PCDHA4: variants seen among roughly 807,000 people sequenced by gnomAD.
PCDHA4 encodes protocadherin alpha-4.
A neutral mutation model predicts 61.4 loss-of-function variants in PCDHA4; 49 were observed. That is an observed-to-expected ratio of 0.80 (90% CI 0.63 to 1.01). The LOEUF is 1.01. PCDHA4 is among the 50% of genes least tolerant of loss of function. The probability of loss-of-function intolerance (pLI) is 0.00; values close to 1 mark genes in which losing one functional copy is unlikely to be tolerated. For synonymous variants in PCDHA4, 590 were observed against 550.3 expected (o/e 1.07, Z -1.01); for missense variants, 1,254 against 1,235.8 (o/e 1.01, Z -0.22).
At chr5:140,835,694 C>T (rs1554135195) in intron 1 of PCDHA4, 1 of 1,613,768 alleles carries the variant, frequency 6.2e-7, no homozygotes, top group African/African-American at 1.3e-5. Flanking sequence ...CTCTGTGGGC[C>T]ACTGCTAGCG....
chr5:140,830,257 G>A (rs1581901410), intron 1 of PCDHA4: 3 of 1,613,692 alleles, frequency 1.9e-6, no homozygotes, highest in Non-Finnish European at 1.7e-6. Context: ...CAGCGCTGCG[G>A]TGCTCGGCGC....
chr5:140,846,985 C>T (rs138755205), intron 1 of PCDHA4, among the ~76,000 whole-genome samples: 9 of 149,188 alleles, frequency 6.0e-5, no homozygotes, highest in African/African-American at 1.5e-4. Context: ...AAGTAAGTTC[C>T]CCCCGGGAGA....
At chr5:140,972,906 C>T (rs1554234702) in intron 1 of PCDHA4, among the ~76,000 whole-genome samples, 1 of 152,048 alleles carries the variant, frequency 6.6e-6, no homozygotes, top group African/African-American at 2.4e-5. Context: ...TTGTGATCCA[C>T]CCGCCTTGGC....
chr5:140,892,012 G>A (rs1032416226), intron 1 of PCDHA4, among the ~76,000 whole-genome samples: 9 of 152,176 alleles, frequency 5.9e-5, no homozygotes, highest in Admixed American at 5.9e-4. Context: ...TGTTATAGCA[G>A]CACAAATGGT....
intron 1 of PCDHA4, chr5:140,929,256 A>T (rs572411725): frequency 1.9e-6 from 3 of 1,613,220 alleles, no homozygotes; most frequent in Non-Finnish European, 2.5e-6. Context: ...CTGGGGTAGG[A>T]CTGAATTTGC....
intron 1 of PCDHA4, chr5:140,926,562 C>CT (rs1271947865): frequency 1.6e-5 from 4 of 250,352 alleles, no homozygotes; most frequent in African/African-American, 8.9e-5. Context: ...CAGCCCGCTG[C>CT]TACTGGAGAC....
chr5:140,853,625 A>G (rs1195027874), intron 1 of PCDHA4: 1 of 988,416 alleles, frequency 1.0e-6, no homozygotes, highest in African/African-American at 1.8e-5. Context: ...ATAAGTATAC[A>G]AGATCACAGA....
At chr5:140,827,393 T>A (rs1554130775) in intron 1 of PCDHA4, among the ~76,000 whole-genome samples, 1 of 152,206 alleles carries the variant, frequency 6.6e-6, no homozygotes, top group African/African-American at 2.4e-5. Flanking sequence ...GCAGATAAAT[T>A]AAATGTGATA....
intron 1 of PCDHA4, among the ~76,000 whole-genome samples, chr5:140,890,597 G>A (rs527637387): frequency 2.6e-5 from 4 of 152,002 alleles, no homozygotes; most frequent in African/African-American, 4.8e-5. Flanking sequence ...GCCCTTTTCC[G>A]AATAGCTAGT....
intron 1 of PCDHA4, among the ~76,000 whole-genome samples, chr5:140,878,496 C>G (rs562678244): frequency 7.2e-5 from 11 of 152,174 alleles, no homozygotes; most frequent in Non-Finnish European, 1.6e-4. Flanking sequence ...ATTTAACCAT[C>G]TGTACGATAC....
rs139863676 is a variant in PCDHA4, at chr5:140,843,172, C to T, written c.2385+33600C>T. ...ATGAGCTGCAGCCAGCTGCAAGCAG[C>T]CCTCGCATCCCGTTCCGCGTGGGGC... On this transcript the variant is annotated intron_variant, in intron 1 of 3. Transcript: ENST00000530339. 15,808 of 1,596,034 alleles carry T rather than the reference C, an allele frequency of 9.9e-3. 1,621 individuals are homozygous for T. Among genetic ancestry groups the T allele is most frequent in the Non-Finnish European group, 0.012 (14,321 of 1,165,582 alleles).
intron 1 of PCDHA4, chr5:140,865,868 G>A (rs2049029480): frequency 1.3e-5 from 2 of 152,098 alleles, no homozygotes; most frequent in African/African-American, 2.4e-5. Context: ...CATGGTCTCG[G>A]CTAGGAAAAT....
At chr5:140,841,418 T>C in intron 1 of PCDHA4, 9 of 1,613,046 alleles carry the variant, frequency 5.6e-6, no homozygotes, top group Non-Finnish European at 7.6e-6. Context: ...CCAGCTCCAC[T>C]ACTCCGTCCC....
intron 3 of PCDHA4, among the ~76,000 whole-genome samples, chr5:140,995,648 G>A (rs548703031): frequency 1.3e-5 from 2 of 152,248 alleles, no homozygotes; most frequent in South Asian, 2.1e-4. Flanking sequence ...TAGAAAAGGA[G>A]AATCGAAAAG....
In PCDHA4 at chr5:140,857,222, G is replaced by T. The variant is rs373834853; in HGVS notation, c.2385+47650G>T. ...GGTCACCTGCTCTCTGACGCCTCAC[G>T]TTCCGTTCAAGCTGGTGTCCACCTA... On this transcript the variant is annotated intron_variant, in intron 1 of 3. Coordinates refer to ENST00000530339, the MANE Select transcript of PCDHA4 (RefSeq NM_018907.4). 4 of 1,598,456 alleles carry T rather than the reference G, an allele frequency of 2.5e-6. No individual in the cohort carries two copies. Among genetic ancestry groups the T allele is most frequent in the African/African-American group, 2.7e-5 (2 of 74,394 alleles).
intron 3 of PCDHA4, among the ~76,000 whole-genome samples, chr5:140,990,314 CCAAA>C (rs2097387288): frequency 6.6e-6 from 1 of 152,212 alleles, no homozygotes; most frequent in Non-Finnish European, 1.5e-5. Context: ...AAAAAACCAA[CCAAA>C]CAAACTTTAA....
At chr5:140,830,022 G>C in intron 1 of PCDHA4, 1 of 1,613,860 alleles carries the variant, frequency 6.2e-7, no homozygotes, top group Non-Finnish European at 8.5e-7. Flanking sequence ...GACTCTCCGC[G>C]CCACCGGCTG....
intron 1 of PCDHA4, chr5:140,852,917 T>A: frequency 1.3e-6 from 1 of 767,560 alleles, no homozygotes; most frequent in Non-Finnish European, 1.6e-6. Context: ...CTCGCTCTGT[T>A]GCCCAGGCTG....
rs536794003 is a variant in PCDHA4, at chr5:140,982,215, G to A, written c.2445-260G>A. Reference sequence around the variant, plus strand: ...CTGTTAGATTTAGTGAGCGCCACATGGCGTTAATAAAAAACAGAATTGCCA... The same window carrying A: ...CTGTTAGATTTAGTGAGCGCCACATAGCGTTAATAAAAAACAGAATTGCCA... On this transcript the variant is annotated intron_variant, in intron 2 of 3. Coordinates refer to ENST00000530339, the MANE Select transcript of PCDHA4 (RefSeq NM_018907.4). The A allele has an allele frequency of 2.0e-5, 10 of 491,624 alleles. No individual in the cohort carries two copies. In the South Asian group the frequency reaches 3.6e-4, roughly 18 times the overall value. The allele number at this position is 491,624 out of a possible 1,614,324, so 30.5% of individuals were successfully genotyped here. A position where few individuals can be genotyped will look rare whatever the true frequency, so the allele number is the denominator to read the frequency against.
Sources: allele counts gnomAD v4.1 joint callset (sites outside exome capture counted in the v4.1 genomes callset), GRCh38; gene constraint gnomAD v4.1.1; transcripts MANE v1.5; gene names NCBI Gene and HGNC (gene_info 2026-07-23, HGNC 2026-07-21).